Variants in NCAPG observed in about 807,000 individuals in gnomAD.
The protein encoded by NCAPG is non-SMC condensin I complex subunit G.
In NCAPG, 69 loss-of-function variants were observed where a neutral mutation model predicts 113.1. The ratio of observed to expected loss-of-function variants is 0.61; its 90% CI spans 0.50 to 0.75. The LOEUF is 0.75. Among genes scored for constraint, NCAPG ranks in the 30% least tolerant of loss-of-function variants. NCAPG has a pLI of 0.00. For synonymous variants in NCAPG, 370 were observed against 415.8 expected, an observed-to-expected ratio of 0.89 and a Z score of 1.34; for missense variants, 1,058 against 1,177.0, an observed-to-expected ratio of 0.90 and a Z score of 1.48.
chr4:17,825,291 G>A, intron 10 of NCAPG, 91 bp from the exon 11 acceptor site: 1 of 1,184,042 alleles, frequency 8.4e-7, no homozygotes, highest in Non-Finnish European at 1.2e-6. Flanking sequence ...ATTCTGGGCA[G>A]TTGAGATATT....
At position 17,842,388 on chromosome 4, in the gene NCAPG, T is replaced by G. The variant is rs1183268872; in HGVS notation, c.2924+9T>G. On this transcript the variant is annotated intron_variant, in intron 20 of 20. Transcript: ENST00000251496. Reference sequence around the variant, plus strand: ...GAAGCCGACTCTGAAAGGTATGTCATGCATGTCTAGAATATATGGAGGCCT... The same window carrying G: ...GAAGCCGACTCTGAAAGGTATGTCAGGCATGTCTAGAATATATGGAGGCCT... 5 of 1,609,934 alleles carry G rather than the reference T, an allele frequency of 3.1e-6. No homozygotes were observed. The highest frequency in any genetic ancestry group is 4.2e-6 in the Non-Finnish European group (5 of 1,176,744).
chr4:17,819,950 T>G (rs1281105671), intron 7 of NCAPG, among the ~76,000 whole-genome samples: 2 of 152,218 alleles, frequency 1.3e-5, no homozygotes, highest in Admixed American at 6.5e-5. Flanking sequence ...CTAATGAGCA[T>G]TTTAATGTTA....
Position 17,814,765 on chromosome 4 carries a change from ATT to A in NCAPG, c.545-85_545-84del. On this transcript the variant is annotated intron_variant, in intron 3 of 20. Coordinates refer to ENST00000251496, the MANE Select transcript of NCAPG (RefSeq NM_022346.5). ...AGCCTATCTTTATCACATTAAAGGC[ATT>A]TTAAAATATCAAAATGTGTGTTATT... 4 of 1,403,886 alleles carry A rather than the reference ATT, an allele frequency of 2.8e-6. No homozygotes were observed. The South Asian group carries it at 5.1e-5, about 18-fold the overall frequency. The allele number at this position is 1,403,886 out of a possible 1,614,324, so 87.0% of individuals were successfully genotyped here.
chr4:17,828,092 C>G (rs746615829), intron 11 of NCAPG, among the ~76,000 whole-genome samples, 186 bp from the exon 12 acceptor site: 1 of 152,080 alleles, frequency 6.6e-6, no homozygotes, highest in Admixed American at 6.6e-5. Context: ...TGAGTCGTTG[C>G]GCCTGGCTGA....
At chr4:17,820,817 A>G (rs959483251) in intron 7 of NCAPG, among the ~76,000 whole-genome samples, 8 of 152,202 alleles carry the variant, frequency 5.3e-5, no homozygotes, top group African/African-American at 1.7e-4. Context: ...AGATTCAATG[A>G]CTAAGAACTC....
At position 17,828,260 on chromosome 4, in the gene NCAPG, AT is replaced by A. The variant is rs1476458020; in HGVS notation, c.1654-14del. On this transcript the variant is annotated splice_polypyrimidine_tract_variant and intron_variant, in intron 11 of 20. Coordinates refer to ENST00000251496, the MANE Select transcript of NCAPG (RefSeq NM_022346.5). ...GGAGAAGATATTACTAATGCTGAAT[AT>A]TTTGTCTTCATTTTAGAATGATGCT... is the stretch of plus-strand genomic sequence containing the variant. The A allele has an allele frequency of 6.4e-6, 10 of 1,568,594 alleles. No individual in the cohort carries two copies. Among genetic ancestry groups the A allele is most frequent in the Non-Finnish European group, 8.7e-6 (10 of 1,144,364 alleles).
chr4:17,819,928 AC>A (rs1239143888), intron 7 of NCAPG, among the ~76,000 whole-genome samples: 1 of 152,128 alleles, frequency 6.6e-6, no homozygotes, highest in South Asian at 2.1e-4. Flanking sequence ...ATCATGAAGA[AC>A]CTGTGTGAAT....
rs75077775 is a variant in NCAPG at position 17,843,349 on chromosome 4, C to A, written c.2972C>A (p.Pro991Gln). The A allele has an allele frequency of 1.2e-6, 2 of 1,611,840 alleles. No homozygotes were observed. Among genetic ancestry groups the A allele is most frequent in the Non-Finnish European group, 1.7e-6 (2 of 1,178,304 alleles). ...EPESEMKMRLPRRAKTAALEK... is the reference protein window; with the variant it reads ...EPESEMKMRLQRRAKTAALEK... ...GAATCAGAAATGAAGATGAGACTAC[C>A]AAGACGAGCCAAAACCGCAGCACTA... Residue 991 changes from proline (P) to glutamine (Q), a missense_variant, in exon 21 of 21, where the codon CCA becomes CAA. Coordinates refer to ENST00000251496, the MANE Select transcript of NCAPG (RefSeq NM_022346.5).
chr4:17,815,938 G>T (rs1470900411), intron 5 of NCAPG, among the ~76,000 whole-genome samples: 2 of 151,864 alleles, frequency 1.3e-5, no homozygotes, highest in East Asian at 3.9e-4. Flanking sequence ...AGTAGGAAAA[G>T]ATCTATTTGC....
At chr4:17,828,427 C>G (rs915845567) in intron 12 of NCAPG, 39 bp downstream of exon 12, 2 of 1,166,042 alleles carry the variant, frequency 1.7e-6, no homozygotes, top group Non-Finnish European at 2.5e-6. Flanking sequence ...TTAGTCCACT[C>G]CTTTCTTATT....
rs1048768118 is a variant in NCAPG, at chr4:17,831,012, A to G, written c.1780A>G (p.Ile594Val). 1.5e-5 allele frequency: 24 copies of G among 1,611,654 alleles called. No homozygotes were observed. In the Admixed American group the frequency reaches 3.2e-4, roughly 21 times the overall value. The change falls in exon 13 of 21, where the codon ATA becomes GTA. Residue 594 changes from isoleucine (I) to valine (V), a missense_variant. Physicochemically the swap from Ile to Val is conservative, Grantham distance 29. Transcript: ENST00000251496. ...TTCATTTTAGATTCTTCCTGGAATA[A>G]TAAGTATTCATCCTGTTGTAAGAAA... ...IIESLILPGIISIHPVVRNLA... is the reference protein window; with the variant it reads ...IIESLILPGIVSIHPVVRNLA...
At position 17,812,243 on chromosome 4, in the gene NCAPG, A is replaced by G. The variant is rs763426173; in HGVS notation, c.134A>G (p.His45Arg). The G allele has an allele frequency of 6.2e-6, 10 of 1,612,810 alleles. No homozygotes were observed. The South Asian group carries it at 9.9e-5, about 16-fold the overall frequency. ...YRTMDDKTVFHEEFIHYLKYV... is the reference protein window; with the variant it reads ...YRTMDDKTVFREEFIHYLKYV... ...CAGATGGATGATAAGACAGTTTTTC[A>G]TGAGGAGTTCATTCATTACCTTAAA... The change falls in exon 2 of 21, where the codon CAT becomes CGT. Residue 45 changes from histidine (H) to arginine (R), a missense_variant. Physicochemically the swap from His to Arg is conservative, Grantham distance 29. Transcript: ENST00000251496.
intron 5 of NCAPG, among the ~76,000 whole-genome samples, chr4:17,816,974 G>A (rs926817990): frequency 3.3e-5 from 5 of 152,050 alleles, no homozygotes; most frequent in African/African-American, 1.2e-4. Flanking sequence ...TTAGCTGGGC[G>A]TGGTGGCGCA....
chr4:17,843,107 T>G (rs1262661199), intron 20 of NCAPG, 195 bp from the exon 21 acceptor site: 2 of 484,448 alleles, frequency 4.1e-6, no homozygotes, highest in Non-Finnish European at 7.4e-6. Flanking sequence ...AGCTAGATTT[T>G]CCCTGATTCA....
intron 9 of NCAPG, 107 bp from the exon 10 acceptor site, chr4:17,824,861 T>C: frequency 1.5e-6 from 1 of 648,184 alleles, no homozygotes; most frequent in Non-Finnish European, 2.5e-6. Flanking sequence ...ATGTTTTTGC[T>C]CCATTATTCA....
rs546004436 is a variant in NCAPG, at chr4:17,836,021, T to C, written c.2110-1138T>C. ...AATTGTGTTGCTCAGTCATTTAACT[T>C]TTTGGGAACTTGACAAACTGTTTTC... On this transcript the variant is annotated intron_variant, in intron 14 of 20. Coordinates refer to ENST00000251496, the MANE Select transcript of NCAPG (RefSeq NM_022346.5). Among the ~76,000 whole-genome samples the C allele has an allele frequency of 2.9e-4, 44 of 152,348 alleles. No homozygotes were observed. In the Middle Eastern group the frequency reaches 0.014, roughly 47 times the overall value.
intron 17 of NCAPG, 45 bp from the exon 18 acceptor site, chr4:17,840,026 G>C: frequency 6.4e-7 from 1 of 1,562,152 alleles, no homozygotes; most frequent in Non-Finnish European, 8.6e-7. Context: ...TCAAAGATTA[G>C]GGAATGCGGT....
At chr4:17,842,153 G>A (rs941010036) in intron 19 of NCAPG, 157 bp from the exon 20 acceptor site, 4 of 574,620 alleles carry the variant, frequency 7.0e-6, no homozygotes, top group Non-Finnish European at 1.3e-5. Context: ...TTCTGTGGCA[G>A]TGATAACTGG....
At chr4:17,825,155 A>G in intron 10 of NCAPG, 98 bp downstream of exon 10, 1 of 910,614 alleles carries the variant, frequency 1.1e-6, no homozygotes, top group Non-Finnish European at 1.7e-6. Context: ...TTTCTCACAT[A>G]ATCAAATTAT....
Sources: allele counts gnomAD v4.1 joint callset (sites outside exome capture counted in the v4.1 genomes callset), GRCh38; gene constraint gnomAD v4.1.1; transcripts MANE v1.5; gene names NCBI Gene and HGNC (gene_info 2026-07-23, HGNC 2026-07-21).